COL4A4: variants seen among roughly 807,000 people sequenced by gnomAD.
COL4A4 encodes collagen alpha-4(IV) chain.
A neutral mutation model predicts 192.9 loss-of-function variants in COL4A4; 105 were observed. The ratio of observed to expected loss-of-function variants is 0.54; its 90% CI spans 0.46 to 0.64. The LOEUF (loss-of-function observed/expected upper bound fraction) is 0.64. Ranked by LOEUF, COL4A4 falls within the 30% of genes least tolerant of loss-of-function variation. The pLI is 0.00. For synonymous variants in COL4A4, 762 were observed against 769.9 expected (o/e 0.99, Z 0.17); for missense variants, 1,967 against 2,169.3 (o/e 0.91, Z 1.85).
intron 30 of COL4A4, 114 bp downstream of exon 30, chr2:227,055,831 A>G (rs1247176949): frequency 2.1e-6 from 2 of 958,322 alleles, no homozygotes; most frequent in Non-Finnish European, 3.2e-6. Flanking sequence ...TAAGGGAAGG[A>G]CAAAGCCAGA....
intron 1 of COL4A4, among the ~76,000 whole-genome samples, chr2:227,158,492 A>G (rs2064535670): frequency 6.6e-6 from 1 of 152,104 alleles, no homozygotes; most frequent in South Asian, 2.1e-4. Context: ...TTCCATCAAA[A>G]TAAAAACTTT....
At chr2:226,974,607 G>A in the COL4A4 span, among the ~76,000 whole-genome samples, 2 of 152,150 alleles carry the variant, frequency 1.3e-5, no homozygotes, top group African/African-American at 4.8e-5. Context: ...CGTTGAACAA[G>A]GATGTACAAA....
At position 227,140,253 on chromosome 2, in the gene COL4A4, A is replaced by G. The variant is rs1401485816; in HGVS notation, c.115-15T>C. 2.0e-5 allele frequency: 33 copies of G among 1,610,868 alleles called. No individual in the cohort carries two copies. The East Asian group carries it at 6.5e-4, about 32-fold the overall frequency. ...TTCTTTCCACTCTGGAAAGTGAAGC[A>G]TCTTATTTAGTATACCAGTACTCAT... On this transcript the variant is annotated splice_polypyrimidine_tract_variant and intron_variant, in intron 3 of 47. Transcript: ENST00000396625.
chr2:227,105,979 T>A (rs1189247669), intron 12 of COL4A4, among the ~76,000 whole-genome samples: 2 of 151,714 alleles, frequency 1.3e-5, no homozygotes, highest in Non-Finnish European at 2.9e-5. Flanking sequence ...AATTCCCCAA[T>A]ATATCATTAC....
chr2:227,041,716 G>T (rs1970914605), intron 37 of COL4A4, among the ~76,000 whole-genome samples: 1 of 102,264 alleles, frequency 9.8e-6, no homozygotes, highest in East Asian at 2.7e-4. Flanking sequence ...AGGAAGGAAG[G>T]GAGGAGGAAG....
At chr2:226,994,487 C>G in the COL4A4 span, among the ~76,000 whole-genome samples, 2 of 152,296 alleles carry the variant, frequency 1.3e-5, no homozygotes, top group African/African-American at 4.8e-5. Context: ...AGTAAGACTT[C>G]TGGTTGATGT....
At chr2:227,135,576 C>T (rs1026680780) in intron 4 of COL4A4, among the ~76,000 whole-genome samples, 2 of 152,106 alleles carry the variant, frequency 1.3e-5, no homozygotes, top group African/African-American at 2.4e-5. Context: ...GGAGATCCCC[C>T]TACAGAGTCC....
At chr2:226,982,161 C>T in the COL4A4 span, among the ~76,000 whole-genome samples, 1 of 152,374 alleles carries the variant, frequency 6.6e-6, no homozygotes, top group Admixed American at 6.5e-5. Flanking sequence ...GGGAGGTTCC[C>T]AGTGATTCCC....
chr2:227,025,698 A>AATGTAACAAAGTTTAGCTCACACATAC, intron 43 of COL4A4, 104 bp downstream of exon 43: 1 of 1,060,498 alleles, frequency 9.4e-7, no homozygotes, highest in Non-Finnish European at 1.4e-6. Flanking sequence ...CATCTATAAA[A>AATGTAACAAAGTTTAGCTCACACATAC]ATGTAACAAA....
chr2:227,017,745 G>A (rs1965208573), intron 44 of COL4A4, among the ~76,000 whole-genome samples: 1 of 152,218 alleles, frequency 6.6e-6, no homozygotes, highest in African/African-American at 2.4e-5. Context: ...AGTCTCAGCT[G>A]TAGCACATGG....
intron 10 of COL4A4, 51 bp from the exon 11 acceptor site, chr2:227,108,919 G>C (rs1031894750): frequency 1.3e-6 from 2 of 1,560,498 alleles, no homozygotes; most frequent in Non-Finnish European, 1.8e-6. Context: ...ATAGAAATCA[G>C]AATGTGCCTT....
intron 17 of COL4A4, among the ~76,000 whole-genome samples, chr2:227,101,068 A>T (rs1225445944): frequency 6.6e-6 from 1 of 152,144 alleles, no homozygotes; most frequent in Non-Finnish European, 1.5e-5. Flanking sequence ...TCGGCCTCCC[A>T]AAGTGCTGGG....
At chr2:227,101,285 C>A (rs1265022816) in intron 17 of COL4A4, among the ~76,000 whole-genome samples, 1 of 152,158 alleles carries the variant, frequency 6.6e-6, no homozygotes, top group Non-Finnish European at 1.5e-5. Flanking sequence ...AACTGTAAGT[C>A]CATTTAACCT....
Position 227,007,047 on chromosome 2 carries a change from G to C in COL4A4, c.*278C>G, listed in dbSNP as rs1427904562. On this transcript the variant is annotated 3_prime_UTR_variant, in exon 48 of 48. Coordinates refer to ENST00000396625, the MANE Select transcript of COL4A4 (RefSeq NM_000092.5). ...CTTTATCATCTACTTGCCTTTCTGAGAATTAGCATATTTTTAAGTAAAGCC... is the reference window on the plus strand; with the variant it reads ...CTTTATCATCTACTTGCCTTTCTGACAATTAGCATATTTTTAAGTAAAGCC... 6.1e-6 allele frequency: 3 copies of C among 490,554 alleles called. No homozygotes were observed. The highest frequency in any genetic ancestry group is 1.1e-5 in the Non-Finnish European group (3 of 268,040). 30.4% of individuals were successfully genotyped at this position (490,554 alleles called of 1,614,324 possible).
chr2:227,045,833 C>G, intron 35 of COL4A4, among the ~76,000 whole-genome samples: 3 of 33,606 alleles, frequency 8.9e-5, no homozygotes, highest in African/African-American at 5.1e-4. Flanking sequence ...TATATATATA[C>G]ACACATATAT....
chr2:226,982,286 G>A, the COL4A4 span, among the ~76,000 whole-genome samples: 5 of 152,210 alleles, frequency 3.3e-5, no homozygotes, highest in Non-Finnish European at 5.9e-5. Context: ...AAAGATGGAT[G>A]CCAGGTGGCT....
chr2:227,163,322 T>C (rs1237062277), intron 1 of COL4A4, among the ~76,000 whole-genome samples: 1 of 152,224 alleles, frequency 6.6e-6, no homozygotes, highest in Non-Finnish European at 1.5e-5. Context: ...CAAAATACCA[T>C]TTGCAGACAT....
At chr2:227,012,692 T>C (rs1964032175) in intron 44 of COL4A4, among the ~76,000 whole-genome samples, 1 of 150,820 alleles carries the variant, frequency 6.6e-6, no homozygotes, top group Non-Finnish European at 1.5e-5. Context: ...TTTTCCTTAA[T>C]AATGATTGTT....
intron 28 of COL4A4, among the ~76,000 whole-genome samples, chr2:227,058,511 T>C (rs1041341534): frequency 6.6e-6 from 1 of 152,210 alleles, no homozygotes; most frequent in Non-Finnish European, 1.5e-5. Context: ...CAAACTTCCA[T>C]GCAAGCTCCT....
Sources: gnomAD v4.1 joint callset for allele counts (sites outside exome capture counted in the v4.1 genomes callset) on GRCh38, gnomAD v4.1.1 for gene constraint, MANE v1.5 for transcripts, NCBI Gene and HGNC (gene_info 2026-07-23, HGNC 2026-07-21) for gene names.